The following TMEM144 variants were observed in gnomAD, a reference collection of about 807,000 sequenced individuals.
TMEM144 encodes the protein transmembrane protein 144.
Under a neutral mutation model 43.6 loss-of-function variants are expected in TMEM144, and 39 were observed. The observed-to-expected ratio is 0.90, with a 90% CI of 0.69 to 1.17. The LOEUF (loss-of-function observed/expected upper bound fraction) is 1.17. TMEM144 is among the 50% of genes most tolerant of loss of function. The probability of loss-of-function intolerance (pLI) is 0.00; values close to 1 mark genes in which losing one functional copy is unlikely to be tolerated. For synonymous variants in TMEM144, 154 were observed against 133.6 expected, an observed-to-expected ratio of 1.15 and a Z score of -1.06; for missense variants, 417 against 411.9, an observed-to-expected ratio of 1.01 and a Z score of -0.11.
At chr4:158,243,231 G>C (rs945690689) in intron 11 of TMEM144, among the ~76,000 whole-genome samples, 6 of 152,152 alleles carry the variant, frequency 3.9e-5, no homozygotes, top group African/African-American at 7.2e-5. Flanking sequence ...TATGCTTCTT[G>C]TTTGATTTGG....
intron 11 of TMEM144, among the ~76,000 whole-genome samples, chr4:158,242,027 C>G (rs1367136350): frequency 6.6e-6 from 1 of 152,112 alleles, no homozygotes; most frequent in African/African-American, 2.4e-5. Context: ...GTTTTTCTAC[C>G]ATTGTTTCTT....
At chr4:158,247,455 A>G (rs1018661684) in intron 12 of TMEM144, among the ~76,000 whole-genome samples, 2 of 152,050 alleles carry the variant, frequency 1.3e-5, no homozygotes, top group African/African-American at 4.8e-5. Flanking sequence ...ACACATTGTG[A>G]TTTCAATTTA....
At chr4:158,245,248 GTGTGTGTGTGTGTGTA>G (rs879506762) in intron 12 of TMEM144, among the ~76,000 whole-genome samples, 1,329 of 113,438 alleles carry the variant, frequency 0.012, 15 homozygotes, top group Middle Eastern at 0.03. Context: ...GTGTGTGTGT[GTGTGTGTGTGTGTGTA>G]TGTATGTTTT....
At chr4:158,239,055 T>C (rs1442562032) in intron 9 of TMEM144, among the ~76,000 whole-genome samples, 1 of 152,202 alleles carries the variant, frequency 6.6e-6, no homozygotes, top group Non-Finnish European at 1.5e-5. Context: ...TGTTTTACGA[T>C]TGAGAAAATT....
intron 9 of TMEM144, among the ~76,000 whole-genome samples, chr4:158,238,081 T>C (rs527959550): frequency 3.3e-5 from 5 of 152,338 alleles, no homozygotes; most frequent in Middle Eastern, 3.4e-3. Flanking sequence ...GAAGGCCCAA[T>C]GTAATGCTTC....
Position 158,217,401 on chromosome 4 carries a change from A to C in TMEM144, c.313A>C (p.Thr105Pro), listed in dbSNP as rs147674110. 214 of 1,613,026 alleles carry C rather than the reference A, an allele frequency of 1.3e-4. No individual in the cohort carries two copies. The African/African-American group carries it at 2.7e-3, about 20-fold the overall frequency. The change falls in exon 5 of 13, where the codon ACT becomes CCT. Residue 105 changes from threonine (T) to proline (P), a missense_variant. Coordinates refer to ENST00000296529, the MANE Select transcript of TMEM144 (RefSeq NM_018342.5). ...AATCTGGGGATCATTTAATGCCTTA[A>C]CTGGCTGGGCAAGCTCAAGGTAATT... is the stretch of plus-strand genomic sequence containing the variant. ...ILIWGSFNAL[T>P]GWASSRFGWF...
At chr4:158,211,342 C>T (rs1200992243) in intron 1 of TMEM144, 111 bp from the exon 2 acceptor site, 3 of 152,214 alleles carry the variant, frequency 2.0e-5, no homozygotes, top group African/African-American at 7.2e-5. Flanking sequence ...GAAGGTTAGA[C>T]ATTCTCTTCT....
chr4:158,233,481 C>T (rs887635368), intron 7 of TMEM144: 1 of 152,262 alleles, frequency 6.6e-6, no homozygotes, highest in Non-Finnish European at 1.5e-5. Context: ...GAATCTAAAT[C>T]AGTCTGGAAT....
chr4:158,235,748 A>G (rs1163319752), intron 8 of TMEM144: 1 of 359,832 alleles, frequency 2.8e-6, no homozygotes, highest in Non-Finnish European at 5.1e-6. Flanking sequence ...ATAAGTAGAT[A>G]ATAAAAGCAA....
intron 1 of TMEM144, chr4:158,211,030 G>A (rs1032267299): frequency 2.0e-5 from 3 of 152,242 alleles, no homozygotes; most frequent in Admixed American, 6.5e-5. Context: ...TGGGAAAAAT[G>A]TGCTGGATGG....
intron 5 of TMEM144, among the ~76,000 whole-genome samples, chr4:158,218,881 C>G (rs1734369208): frequency 1.3e-5 from 2 of 152,094 alleles, no homozygotes; most frequent in African/African-American, 4.8e-5. Context: ...AATCTCAGCA[C>G]TTTGGGAGAT....
At chr4:158,236,047 G>GT (rs199947135) in intron 8 of TMEM144, among the ~76,000 whole-genome samples, 2,452 of 151,968 alleles carry the variant, frequency 0.016, 26 homozygotes, top group African/African-American at 0.033. Context: ...ACTTTAGGGT[G>GT]TTTTTTTTGT....
Position 158,243,203 on chromosome 4 carries a change from G to T in TMEM144, c.901-1093G>T, listed in dbSNP as rs911593399. Among the ~76,000 whole-genome samples, 26 of 152,064 alleles carry T rather than the reference G, an allele frequency of 1.7e-4. 1 individual carries two copies. Among genetic ancestry groups the T allele is most frequent in the African/African-American group, 6.3e-4 (26 of 41,410 alleles). ...TCTCATTCTGTTGAAAGTCAGTGTG[G>T]GTTGCCTAAAAGACCCATATGCTTC... On this transcript the variant is annotated intron_variant, in intron 11 of 12. Coordinates refer to ENST00000296529, the MANE Select transcript of TMEM144 (RefSeq NM_018342.5).
At chr4:158,214,181 C>T (rs1262615334) in intron 3 of TMEM144, among the ~76,000 whole-genome samples, 1 of 152,062 alleles carries the variant, frequency 6.6e-6, no homozygotes, top group Non-Finnish European at 1.5e-5. Context: ...GAACTACAGG[C>T]ACACACTACC....
intron 9 of TMEM144, among the ~76,000 whole-genome samples, chr4:158,239,673 C>T (rs1277625819): frequency 2.0e-5 from 3 of 151,956 alleles, no homozygotes; most frequent in Non-Finnish European, 4.4e-5. Flanking sequence ...TAAAATTAGG[C>T]CTGAGTGCCT....
Position 158,254,357 on chromosome 4 carries a change from C to T in TMEM144, c.*830C>T, listed in dbSNP as rs892163624. ...CTGAAATACACTTTTCTAAAACCCT[C>T]TTAACTGGAGGTTTCCTGTTTTCTT... On this transcript the variant is annotated 3_prime_UTR_variant, in exon 13 of 13. Transcript: ENST00000296529. 1.1e-4 allele frequency: 17 copies of T among 151,276 alleles called. No homozygotes were observed. Among genetic ancestry groups the T allele is most frequent in the African/African-American group, 3.9e-4 (16 of 41,072 alleles). 9.4% of individuals were successfully genotyped at this position (151,276 alleles called of 1,614,324 possible).
chr4:158,254,195 T>C lies in TMEM144; in HGVS notation c.*668T>C, dbSNP rs765601876. ...AAAATTTTTCATCATTGAGAAAATG[T>C]GCATAACATAATACATACATACACA... On this transcript the variant is annotated 3_prime_UTR_variant, in exon 13 of 13. Transcript: ENST00000296529. 7 of 152,236 alleles carry C rather than the reference T, an allele frequency of 4.6e-5. No individual in the cohort carries two copies. The highest frequency in any genetic ancestry group is 1.3e-4 in the Admixed American group (2 of 15,276). The allele number at this position is 152,236 out of a possible 1,614,324, so 9.4% of individuals were successfully genotyped here. A position where few individuals can be genotyped will look rare whatever the true frequency, so the allele number is the denominator to read the frequency against.
At chr4:158,246,988 A>ATGTTT (rs1735921015) in intron 12 of TMEM144, among the ~76,000 whole-genome samples, 1 of 151,942 alleles carries the variant, frequency 6.6e-6, no homozygotes, top group Non-Finnish European at 1.5e-5. Context: ...ACAGTGAGGA[A>ATGTTT]TGTTTTGTTT....
At chr4:158,249,197 G>A (rs1010158509) in intron 12 of TMEM144, among the ~76,000 whole-genome samples, 4 of 152,176 alleles carry the variant, frequency 2.6e-5, no homozygotes, top group Non-Finnish European at 5.9e-5. Flanking sequence ...GAGCCACCGT[G>A]CCCGGCCCTG....
Sources: allele counts gnomAD v4.1 joint callset (sites outside exome capture counted in the v4.1 genomes callset), GRCh38; gene constraint gnomAD v4.1.1; transcripts MANE v1.5; gene names NCBI Gene and HGNC (gene_info 2026-07-23, HGNC 2026-07-21).